KALRN: variants seen among roughly 807,000 people sequenced by gnomAD.
The protein encoded by KALRN is kalirin RhoGEF kinase.
Under a neutral mutation model 353.7 loss-of-function variants are expected in KALRN, and 70 were observed. That is an observed-to-expected ratio of 0.20 (90% confidence interval 0.16 to 0.24). The LOEUF is 0.24. KALRN is among the 10% of genes least tolerant of loss of function. The pLI, the probability that KALRN is intolerant of heterozygous loss-of-function variation, is 1.00. For synonymous variants in KALRN, 1,391 were observed against 1,434.8 expected (o/e 0.97, Z 0.69); for missense variants, 2,791 against 3,756.7 (o/e 0.74, Z 6.72).
At chr3:124,370,093 G>T (rs1489714242) in intron 10 of KALRN, among the ~76,000 whole-genome samples, 2 of 152,120 alleles carry the variant, frequency 1.3e-5, no homozygotes, top group African/African-American at 2.4e-5. Context: ...GTCAACATAA[G>T]TTCCATCAAG....
At position 124,696,064 on chromosome 3, in the gene KALRN, T is replaced by A. The variant is rs1218956052; in HGVS notation, c.7578-70T>A. 40 of 1,559,260 alleles carry A rather than the reference T, an allele frequency of 2.6e-5. No individual in the cohort carries two copies. The South Asian group carries it at 3.9e-4, about 15-fold the overall frequency. The stretch of plus-strand genomic sequence containing the variant: ...AGCTCAGCACACCATGGGCCAACCC[T>A]ATGGGATTTTACCCAGCAGTCAAGT... On this transcript the variant is annotated intron_variant, in intron 53 of 59. Coordinates refer to ENST00000682506, the MANE Select transcript of KALRN (RefSeq NM_001388419.1).
At chr3:124,496,604 G>T (rs1386297114) in intron 33 of KALRN, among the ~76,000 whole-genome samples, 191 bp downstream of exon 33, 1 of 152,174 alleles carries the variant, frequency 6.6e-6, no homozygotes, top group African/African-American at 2.4e-5. Flanking sequence ...GGTCTGAGGG[G>T]ATGGAAGACT....
chr3:124,234,598 G>A (rs2079535884), intron 2 of KALRN, among the ~76,000 whole-genome samples: 3 of 152,144 alleles, frequency 2.0e-5, no homozygotes, highest in African/African-American at 2.4e-5. Flanking sequence ...GCACAGTACT[G>A]TTTTCATCTG....
intron 1 of KALRN, among the ~76,000 whole-genome samples, chr3:124,164,888 C>T (rs1440584530): frequency 3.3e-5 from 5 of 152,252 alleles, no homozygotes; most frequent in Non-Finnish European, 5.9e-5. Context: ...CTTTGGAGTC[C>T]AGCTCTACCT....
In KALRN at chr3:124,326,038, G is replaced by C. The variant is rs763305275; in HGVS notation, c.1151G>C (p.Gly384Ala). ...GTGGCTTCCCGCCTCTCTGAGGCCG[G>C]TCATTATGCCTCACAACAAATCAAG... Reference protein sequence around the residue: ...MSVASRLSEAGHYASQQIKQI... With the variant: ...MSVASRLSEAAHYASQQIKQI... The change falls in exon 7 of 60, where the codon GGT (glycine) becomes GCT (alanine). Residue 384 changes from glycine (G) to alanine (A), a missense_variant. Around this residue, in one of 11 missense-constraint regions of KALRN, gnomAD observed 366 missense variants for 489.2 expected, o/e 0.75. Coordinates refer to ENST00000682506, the MANE Select transcript of KALRN (RefSeq NM_001388419.1). The C allele has an allele frequency of 6.2e-7, 1 of 1,613,818 alleles. No homozygotes were observed. Among genetic ancestry groups the C allele is most frequent in the Non-Finnish European group, 8.5e-7 (1 of 1,179,848 alleles).
rs2082267561 is a variant in KALRN, at chr3:124,642,933, C to T, written c.5664+5630C>T. ...CCGGGTTCAAGCTATTCTTCTGCCTCAGCCACCTGAGTAGCTGGGATTAAC... is the reference window on the plus strand; with the variant it reads ...CCGGGTTCAAGCTATTCTTCTGCCTTAGCCACCTGAGTAGCTGGGATTAAC... On this transcript the variant is annotated intron_variant, in intron 37 of 59. Coordinates refer to ENST00000682506, the MANE Select transcript of KALRN (RefSeq NM_001388419.1). Among the ~76,000 whole-genome samples the T allele has an allele frequency of 2.0e-5, 3 of 151,616 alleles. No homozygotes were observed. In the South Asian group the frequency reaches 6.3e-4, roughly 32 times the overall value.
chr3:124,405,910 C>T (rs2091487338), intron 13 of KALRN, among the ~76,000 whole-genome samples: 1 of 152,176 alleles, frequency 6.6e-6, no homozygotes, highest in African/African-American at 2.4e-5. Flanking sequence ...TCCCAAAGTA[C>T]TGGGATTACA....
chr3:124,617,613 T>C (rs2078763839), intron 34 of KALRN, among the ~76,000 whole-genome samples: 1 of 152,188 alleles, frequency 6.6e-6, no homozygotes, highest in Admixed American at 6.5e-5. Context: ...AGGGTTCTTA[T>C]AGGACACTGG....
At chr3:124,593,945 A>G (rs1423952542) in intron 34 of KALRN, among the ~76,000 whole-genome samples, 1 of 152,140 alleles carries the variant, frequency 6.6e-6, no homozygotes, top group Non-Finnish European at 1.5e-5. Context: ...CTCCTACCTC[A>G]GCCCTTCAAA....
rs182071828 is a variant in KALRN at position 124,078,069 on chromosome 3, C to T, written c.73+44256C>T. ...TTCAAGGACCTCTACGCTCTGGCCC[C>T]GGTATTACCTGTCCCATAGGCTTAG... On this transcript the variant is annotated intron_variant, in intron 1 of 59. Transcript: ENST00000682506. 8.5e-5 allele frequency among the ~76,000 whole-genome samples: 13 copies of T among 152,340 alleles called. No individual in the cohort carries two copies. The East Asian group carries it at 1.2e-3, about 14-fold the overall frequency.
intron 12 of KALRN, 94 bp from the exon 13 acceptor site, chr3:124,398,603 C>A: frequency 8.2e-7 from 1 of 1,218,894 alleles, no homozygotes; most frequent in Non-Finnish European, 1.2e-6. Flanking sequence ...GATTCACATC[C>A]ACCTTGCTCA....
chr3:124,038,945 C>T (rs2039682087), intron 1 of KALRN, among the ~76,000 whole-genome samples: 1 of 152,234 alleles, frequency 6.6e-6, no homozygotes. Context: ...AGGGCATGGC[C>T]CCAGGCCAGG....
intron 57 of KALRN, among the ~76,000 whole-genome samples, chr3:124,703,629 T>C (rs2150708101): frequency 6.7e-6 from 1 of 149,492 alleles, no homozygotes; most frequent in South Asian, 2.1e-4. Flanking sequence ...GCTGAGTATA[T>C]TGTCTTTTTG....
At chr3:124,209,692 G>A (rs143444997) in intron 1 of KALRN, among the ~76,000 whole-genome samples, 88 of 152,152 alleles carry the variant, frequency 5.8e-4, no homozygotes, top group African/African-American at 2.0e-3. Flanking sequence ...TGAAAAGAAA[G>A]GAATGAATAG....
chr3:124,560,744 T>A (rs974563955), intron 33 of KALRN, among the ~76,000 whole-genome samples: 1 of 150,144 alleles, frequency 6.7e-6, no homozygotes, highest in Non-Finnish European at 1.5e-5. Flanking sequence ...TACCACCTAC[T>A]GGGTACACAC....
intron 34 of KALRN, among the ~76,000 whole-genome samples, chr3:124,582,197 T>A (rs2074695349): frequency 6.6e-6 from 1 of 152,104 alleles, no homozygotes; most frequent in Non-Finnish European, 1.5e-5. Context: ...ATTTTTGTAT[T>A]TTTAGTAGAG....
chr3:124,642,816 T>G (rs1362269973), intron 37 of KALRN, among the ~76,000 whole-genome samples: 125 of 140,062 alleles, frequency 8.9e-4, no homozygotes, highest in Non-Finnish European at 1.3e-3. Flanking sequence ...GTTTTTTTTT[T>G]TTTTTTTTTT....
intron 10 of KALRN, among the ~76,000 whole-genome samples, chr3:124,368,546 C>T (rs1376574176): frequency 3.3e-5 from 5 of 149,746 alleles, no homozygotes; most frequent in South Asian, 2.2e-4. Context: ...GATGGGATGG[C>T]GGCCGGGCGG....
At chr3:124,430,879 G>A (rs565919642) in intron 16 of KALRN, 104 bp downstream of exon 16, 718 of 1,370,716 alleles carry the variant, frequency 5.2e-4, no homozygotes, top group Non-Finnish European at 6.8e-4. Context: ...AGCGAAGGCT[G>A]TACCCCTTCT....
Sources: allele counts gnomAD v4.1 joint callset (sites outside exome capture counted in the v4.1 genomes callset), GRCh38; gene constraint gnomAD v4.1.1; regional missense constraint gnomAD v4.1.1; transcripts MANE v1.5; gene names NCBI Gene and HGNC (gene_info 2026-07-23, HGNC 2026-07-21).